The following CLDN10 variants were observed in gnomAD, a reference collection of about 807,000 sequenced individuals.
The protein encoded by CLDN10 is claudin 10, also known as claudin-10.
Under a neutral mutation model 22.9 loss-of-function variants are expected in CLDN10, and 15 were observed. The ratio of observed to expected loss-of-function variants is 0.65; its 90% CI spans 0.44 to 1.01. CLDN10 has a LOEUF of 1.01. Ranked by LOEUF, CLDN10 falls within the 50% of genes least tolerant of loss-of-function variation. The pLI, the probability that CLDN10 is intolerant of heterozygous loss-of-function variation, is 0.00. For synonymous variants in CLDN10, 114 were observed against 111.4 expected (o/e 1.02, Z -0.15); for missense variants, 247 against 287.8 (o/e 0.86, Z 1.03).
chr13:95,521,105 A>G (rs1490891332), intron 1 of CLDN10, among the ~76,000 whole-genome samples: 5 of 152,074 alleles, frequency 3.3e-5, no homozygotes, highest in African/African-American at 7.2e-5. Context: ...GATTTTGTAT[A>G]CATACAATCA....
intron 1 of CLDN10, among the ~76,000 whole-genome samples, chr13:95,537,328 C>G (rs948041517): frequency 5.9e-4 from 89 of 152,122 alleles, no homozygotes; most frequent in African/African-American, 2.1e-3. Context: ...TGGAAACATT[C>G]ATAATTCAAT....
At chr13:95,550,714 TA>T (rs2043554208), upstream of CLDN10, among the ~76,000 whole-genome samples, 1 of 151,032 alleles carries the variant, frequency 6.6e-6, no homozygotes, top group Admixed American at 6.6e-5. Flanking sequence ...TAAAACACTT[TA>T]AAAAGGCAAG....
chr13:95,548,580 G>C (rs895314211), upstream of CLDN10, among the ~76,000 whole-genome samples: 5 of 152,122 alleles, frequency 3.3e-5, no homozygotes, highest in African/African-American at 9.7e-5. Context: ...TAGCTTTCAT[G>C]CTAAGTAGAT....
At chr13:95,447,418 T>C (rs933736580) in intron 1 of CLDN10, among the ~76,000 whole-genome samples, 3 of 152,152 alleles carry the variant, frequency 2.0e-5, no homozygotes, top group African/African-American at 7.2e-5. Context: ...TGCTGCCCAC[T>C]CTCCTGTTTA....
rs187688138 is a variant in CLDN10, at chr13:95,457,488, A to G, written c.214+23441A>G. Among the ~76,000 whole-genome samples, 6 of 152,134 alleles carry G rather than the reference A, an allele frequency of 3.9e-5. No homozygotes were observed. In the East Asian group the frequency reaches 1.2e-3, roughly 29 times the overall value. Reference sequence around the variant, plus strand: ...GGGAACTGACAGAGCAGTTGTGGTTATCTGTTTGACCTTGTACTTGGTGAA... The same window carrying G: ...GGGAACTGACAGAGCAGTTGTGGTTGTCTGTTTGACCTTGTACTTGGTGAA... On this transcript the variant is annotated intron_variant, in intron 1 of 4. Transcript: ENST00000376873.
At position 95,578,518 on chromosome 13, in the gene CLDN10, A is replaced by G. The variant is rs2043970340; in HGVS notation, c.*504A>G. 6.6e-6 allele frequency: 1 copy of G among 152,238 alleles called. No individual in the cohort carries two copies. Among genetic ancestry groups the G allele is most frequent in the East Asian group, 1.9e-4 (1 of 5,196 alleles). The allele number at this position is 152,238 out of a possible 1,614,324, so 9.4% of individuals were successfully genotyped here. A position where few individuals can be genotyped will look rare whatever the true frequency, so the allele number is the denominator to read the frequency against. On this transcript the variant is annotated 3_prime_UTR_variant, in exon 5 of 5. Transcript: ENST00000299339. The stretch of plus-strand genomic sequence containing the variant: ...CTAGTTTGTTTTTTTTAAGTATTCT[A>G]CAACATTTATTTAAAAAGGTAAATC...
At chr13:95,536,067 G>C (rs1054717176) in intron 1 of CLDN10, among the ~76,000 whole-genome samples, 3 of 151,944 alleles carry the variant, frequency 2.0e-5, no homozygotes, top group Non-Finnish European at 2.9e-5. Flanking sequence ...CAGAGAGACT[G>C]TGATACTGTA....
intron 1 of CLDN10, among the ~76,000 whole-genome samples, chr13:95,520,561 T>C (rs974360729): frequency 3.3e-5 from 5 of 152,090 alleles, no homozygotes; most frequent in African/African-American, 9.7e-5. Flanking sequence ...TTATTAGAGA[T>C]GGGATTTCAC....
At chr13:95,573,144 AT>A (rs2043883257) in intron 3 of CLDN10, among the ~76,000 whole-genome samples, 1 of 152,222 alleles carries the variant, frequency 6.6e-6, no homozygotes, top group Non-Finnish European at 1.5e-5. Flanking sequence ...TGAGAAAATA[AT>A]AAGTGGTTAT....
At chr13:95,497,825 A>C (rs1022892072) in intron 1 of CLDN10, among the ~76,000 whole-genome samples, 3 of 152,186 alleles carry the variant, frequency 2.0e-5, no homozygotes, top group African/African-American at 4.8e-5. Flanking sequence ...AATACTAGAA[A>C]GGGGAATTCT....
chr13:95,569,260 A>G (rs371437763), intron 3 of CLDN10, among the ~76,000 whole-genome samples: 6 of 152,120 alleles, frequency 3.9e-5, no homozygotes, highest in East Asian at 3.9e-4. Context: ...TCTCAAGTAG[A>G]AGGCACGTTT....
At chr13:95,455,807 G>C (rs1566279462) in intron 1 of CLDN10, among the ~76,000 whole-genome samples, 1 of 152,262 alleles carries the variant, frequency 6.6e-6, no homozygotes, top group East Asian at 1.9e-4. Flanking sequence ...TTAGCAAATT[G>C]AACTAAAAAT....
intron 1 of CLDN10, among the ~76,000 whole-genome samples, chr13:95,453,256 T>A (rs2042449527): frequency 6.6e-6 from 1 of 152,198 alleles, no homozygotes; most frequent in Non-Finnish European, 1.5e-5. Flanking sequence ...ATATTTGTAA[T>A]TATCTCCTCT....
chr13:95,548,683 C>T (rs2043534513), upstream of CLDN10, among the ~76,000 whole-genome samples: 1 of 152,150 alleles, frequency 6.6e-6, no homozygotes, highest in Admixed American at 6.5e-5. Context: ...CTTTTAATAT[C>T]TTGGTACCGG....
chr13:95,532,848 A>G (rs1459496174), intron 1 of CLDN10, among the ~76,000 whole-genome samples: 1 of 151,528 alleles, frequency 6.6e-6, no homozygotes, highest in Non-Finnish European at 1.5e-5. Context: ...GCAACAACAT[A>G]GATGAGTCTT....
intron 1 of CLDN10, among the ~76,000 whole-genome samples, chr13:95,504,101 A>G (rs968074430): frequency 2.0e-5 from 3 of 152,228 alleles, no homozygotes; most frequent in African/African-American, 7.2e-5. Flanking sequence ...CATTGAAAAG[A>G]GTTTGAAGTA....
intron 1 of CLDN10, among the ~76,000 whole-genome samples, chr13:95,473,434 G>A (rs1432605166): frequency 6.6e-6 from 1 of 152,324 alleles, no homozygotes; most frequent in African/African-American, 2.4e-5. Context: ...AGGAAGAGAT[G>A]CGCCTCGGGT....
intron 3 of CLDN10, among the ~76,000 whole-genome samples, chr13:95,569,148 T>C (rs2043822805): frequency 1.3e-5 from 2 of 152,194 alleles, no homozygotes; most frequent in South Asian, 4.1e-4. Context: ...TATTAATGTA[T>C]AGTATATTAC....
intron 2 of CLDN10, 38 bp downstream of exon 2, chr13:95,560,331 ATGT>A: frequency 6.2e-7 from 1 of 1,613,296 alleles, no homozygotes; most frequent in South Asian, 1.1e-5. Context: ...GTACTTGATG[ATGT>A]TAATGAAATC....
Sources: allele counts gnomAD v4.1 joint callset (sites outside exome capture counted in the v4.1 genomes callset), GRCh38; gene constraint gnomAD v4.1.1; transcripts MANE v1.5; gene names NCBI Gene and HGNC (gene_info 2026-07-23, HGNC 2026-07-21).